The following VDAC1 variants were observed in gnomAD, a reference collection of about 807,000 sequenced individuals.
VDAC1 encodes voltage dependent anion channel 1.
Under a neutral mutation model 34.7 loss-of-function variants are expected in VDAC1, and 10 were observed. That is an observed-to-expected ratio of 0.29 (90% confidence interval 0.18 to 0.49). VDAC1 has a LOEUF of 0.49. VDAC1 is among the 20% of genes least tolerant of loss of function. The pLI, the probability that VDAC1 is intolerant of heterozygous loss-of-function variation, is 0.99. For missense variants in VDAC1, 230 were observed against 347.9 expected, an observed-to-expected ratio of 0.66 and a Z score of 2.69; for synonymous variants, 130 against 136.0, an observed-to-expected ratio of 0.96 and a Z score of 0.30.
At chr5:134,103,492 AGGAGAG>A in the VDAC1 span, among the ~76,000 whole-genome samples, 1 of 152,168 alleles carries the variant, frequency 6.6e-6, no homozygotes. Flanking sequence ...CTCCCATGGC[AGGAGAG>A]ATCGACTCCC....
intron 6 of VDAC1, among the ~76,000 whole-genome samples, chr5:133,978,765 C>A (rs541237425): frequency 7.2e-5 from 11 of 152,276 alleles, no homozygotes; most frequent in African/African-American, 2.6e-4. Flanking sequence ...GTAATCCCAG[C>A]ACTTTGGGAG....
chr5:133,973,811 T>C lies in VDAC1; in HGVS notation c.740A>G (p.Tyr247Cys). 6.2e-7 allele frequency: 1 copy of C among 1,612,716 alleles called. No homozygotes were observed. Among genetic ancestry groups the C allele is most frequent in the South Asian group, 1.1e-5 (1 of 90,796 alleles). Residue 247 changes from tyrosine to cysteine, a missense_variant, in exon 8 of 9, where the codon TAC becomes TGC. Transcript: ENST00000265333. ...CATACCTGGCTTTAGAGTCTGAGTG[T>C]ATCCTAAACCTATCAGGCTGGAGTT... ...VNNSSLIGLG[Y>C]TQTLKPGIKL... is the part of the protein sequence containing the mutation.
At chr5:134,078,125 C>G in the VDAC1 span, among the ~76,000 whole-genome samples, 4 of 152,364 alleles carry the variant, frequency 2.6e-5, no homozygotes, top group African/African-American at 9.6e-5. Flanking sequence ...CCAACACCTG[C>G]TCTATGCCAG....
At chr5:134,063,308 AC>A in the VDAC1 span, among the ~76,000 whole-genome samples, 3 of 152,158 alleles carry the variant, frequency 2.0e-5, no homozygotes, top group African/African-American at 7.2e-5. Context: ...AGTGTGGACT[AC>A]CACAATGTAT....
chr5:133,982,522 A>AT (rs1752738987), intron 5 of VDAC1, among the ~76,000 whole-genome samples: 1 of 151,206 alleles, frequency 6.6e-6, no homozygotes, highest in African/African-American at 2.4e-5. Context: ...AAAAAAAAAA[A>AT]AAAAAGAATT....
At chr5:134,079,142 A>G in the VDAC1 span, among the ~76,000 whole-genome samples, 1 of 150,956 alleles carries the variant, frequency 6.6e-6, no homozygotes, top group Admixed American at 6.6e-5. Flanking sequence ...ATGCCCGGTT[A>G]ATTTTGTTAA....
the VDAC1 span, among the ~76,000 whole-genome samples, chr5:134,088,215 T>C: frequency 6.6e-6 from 1 of 151,822 alleles, no homozygotes; most frequent in African/African-American, 2.4e-5. Flanking sequence ...AACTACTTGA[T>C]GAGGGAAAAA....
the VDAC1 span, among the ~76,000 whole-genome samples, chr5:134,020,573 G>C: frequency 4.6e-5 from 7 of 152,166 alleles, no homozygotes; most frequent in South Asian, 1.5e-3. Flanking sequence ...ATAAGGCCCT[G>C]GGCCATATAA....
At chr5:134,003,322 GAGA>G (rs1255283549) in intron 1 of VDAC1, among the ~76,000 whole-genome samples, 2 of 152,250 alleles carry the variant, frequency 1.3e-5, no homozygotes, top group East Asian at 3.9e-4. Context: ...TGCCTCAGTG[GAGA>G]AGTTTAGGCA....
chr5:134,094,709 A>G, the VDAC1 span, among the ~76,000 whole-genome samples: 1 of 151,458 alleles, frequency 6.6e-6, no homozygotes. Context: ...AAAAAAAAAA[A>G]AAAAAAAAAA....
the VDAC1 span, among the ~76,000 whole-genome samples, chr5:134,101,355 C>T: frequency 1.4e-4 from 21 of 151,980 alleles, no homozygotes; most frequent in Non-Finnish European, 2.9e-5. Context: ...TTTGGGAGGC[C>T]GAGGCAGGCA....
At chr5:134,045,133 G>C in the VDAC1 span, among the ~76,000 whole-genome samples, 1 of 152,198 alleles carries the variant, frequency 6.6e-6, no homozygotes. Context: ...TCCTTCCATG[G>C]GGGAGGAAGA....
the VDAC1 span, among the ~76,000 whole-genome samples, chr5:134,024,467 T>C: frequency 2.0e-5 from 3 of 148,998 alleles, no homozygotes; most frequent in Admixed American, 2.0e-4. Flanking sequence ...AGGCAGAGGT[T>C]GCAGTGAGCC....
the VDAC1 span, among the ~76,000 whole-genome samples, chr5:134,010,739 C>A: frequency 6.6e-6 from 1 of 152,124 alleles, no homozygotes; most frequent in Middle Eastern, 3.4e-3. Flanking sequence ...CAACAATGGC[C>A]CCCCAAGGAT....
the VDAC1 span, among the ~76,000 whole-genome samples, chr5:134,098,002 T>C: frequency 1.6e-4 from 25 of 152,102 alleles, no homozygotes; most frequent in African/African-American, 6.0e-4. Flanking sequence ...CCCGAGTAGC[T>C]GGGATTACAG....
At chr5:133,980,575 C>T (rs1005822854) in intron 6 of VDAC1, among the ~76,000 whole-genome samples, 154 bp downstream of exon 6, 8 of 150,310 alleles carry the variant, frequency 5.3e-5, no homozygotes, top group Non-Finnish European at 7.4e-5. Flanking sequence ...AGCAGCAGGC[C>T]ATGTGGCTCA....
At chr5:134,014,845 A>T in the VDAC1 span, among the ~76,000 whole-genome samples, 4 of 152,208 alleles carry the variant, frequency 2.6e-5, no homozygotes, top group Admixed American at 2.6e-4. Flanking sequence ...CAACTTGGGC[A>T]ACAGAGTGAG....
At chr5:134,032,348 A>G in the VDAC1 span, among the ~76,000 whole-genome samples, 1 of 152,126 alleles carries the variant, frequency 6.6e-6, no homozygotes, top group South Asian at 2.1e-4. Flanking sequence ...GTGTGGTTTT[A>G]AGCCAATAAA....
At chr5:134,082,204 C>A in the VDAC1 span, among the ~76,000 whole-genome samples, 1 of 152,210 alleles carries the variant, frequency 6.6e-6, no homozygotes, top group African/African-American at 2.4e-5. Context: ...TCTTGTGCTT[C>A]TTTGTAATGC....
Sources: allele counts gnomAD v4.1 joint callset (sites outside exome capture counted in the v4.1 genomes callset), GRCh38; gene constraint gnomAD v4.1.1; transcripts MANE v1.5; gene names NCBI Gene and HGNC (gene_info 2026-07-23, HGNC 2026-07-21).